The following HCN1 variants were observed in gnomAD, a reference collection of about 807,000 sequenced individuals.
The protein encoded by HCN1 is hyperpolarization activated cyclic nucleotide gated potassium channel 1.
In HCN1, 13 loss-of-function variants were observed where a neutral mutation model predicts 78.9. The ratio of observed to expected loss-of-function variants is 0.16; its 90% CI spans 0.11 to 0.26. The LOEUF (loss-of-function observed/expected upper bound fraction) is 0.26, where lower values mean the gene tolerates loss of function less well. HCN1 is among the 10% of genes least tolerant of loss of function. The probability of loss-of-function intolerance (pLI) is 1.00; values close to 1 mark genes in which losing one functional copy is unlikely to be tolerated. For missense variants in HCN1, 810 were observed against 1,154.3 expected (o/e 0.70, Z 4.32); for synonymous variants, 552 against 455.5 (o/e 1.21, Z -2.70).
At chr5:45,641,156 T>A (rs573197004) in intron 2 of HCN1, among the ~76,000 whole-genome samples, 1 of 152,306 alleles carries the variant, frequency 6.6e-6, no homozygotes, top group South Asian at 2.1e-4. Context: ...TAGAATCCTA[T>A]GTGTTTTTAA....
chr5:45,656,010 C>T (rs957437154), intron 1 of HCN1, among the ~76,000 whole-genome samples: 55 of 152,186 alleles, frequency 3.6e-4, no homozygotes, highest in African/African-American at 1.3e-3. Flanking sequence ...GAAATGCATA[C>T]ACAAACTATA....
intron 2 of HCN1, among the ~76,000 whole-genome samples, chr5:45,566,553 G>A (rs1268604237): frequency 1.3e-5 from 2 of 152,068 alleles, no homozygotes; most frequent in African/African-American, 4.8e-5. Context: ...AGATTATCAA[G>A]AGAGTTTATA....
chr5:45,586,858 T>G (rs1404035742), intron 2 of HCN1, among the ~76,000 whole-genome samples: 2 of 152,228 alleles, frequency 1.3e-5, no homozygotes, highest in Non-Finnish European at 2.9e-5. Flanking sequence ...TGTAATAGAC[T>G]ATCTTAATAA....
intron 2 of HCN1, among the ~76,000 whole-genome samples, chr5:45,625,150 A>G (rs1198408010): frequency 6.6e-6 from 1 of 152,058 alleles, no homozygotes; most frequent in Non-Finnish European, 1.5e-5. Flanking sequence ...TAAAAATACA[A>G]AAATTAGCCG....
At chr5:45,621,493 C>T (rs1040460127) in intron 2 of HCN1, among the ~76,000 whole-genome samples, 17 of 152,040 alleles carry the variant, frequency 1.1e-4, no homozygotes, top group Non-Finnish European at 2.4e-4. Context: ...TTCTGTAGTA[C>T]TCTATCAGGA....
Position 45,456,404 on chromosome 5 carries a change from A to C in HCN1, c.1011+5442T>G, listed in dbSNP as rs192115437. ...CAATATTTTAGTTAGCAACACATGC[A>C]GAGTTGGTATAGGAGTTGTCTAGGA... On this transcript the variant is annotated intron_variant, in intron 3 of 7. Coordinates refer to ENST00000303230, the MANE Select transcript of HCN1 (RefSeq NM_021072.4). 1.3e-3 allele frequency among the ~76,000 whole-genome samples: 201 copies of C among 152,146 alleles called. 1 individual carries two copies. The highest frequency in any genetic ancestry group is 1.7e-3 in the Non-Finnish European group (118 of 67,930).
chr5:45,524,120 C>T (rs1296414878), intron 2 of HCN1, among the ~76,000 whole-genome samples: 2 of 152,286 alleles, frequency 1.3e-5, no homozygotes, highest in African/African-American at 2.4e-5. Context: ...AATAGGGAAT[C>T]CTTTCGCCAT....
chr5:45,289,084 C>A (rs375235924), intron 6 of HCN1, among the ~76,000 whole-genome samples: 2 of 151,972 alleles, frequency 1.3e-5, no homozygotes, highest in Non-Finnish European at 2.9e-5. Context: ...TACAATATAA[C>A]CTTAAGAACA....
At chr5:45,274,143 T>A (rs1745009025) in intron 6 of HCN1, among the ~76,000 whole-genome samples, 1 of 152,154 alleles carries the variant, frequency 6.6e-6, no homozygotes, top group Non-Finnish European at 1.5e-5. Context: ...ATAGATTACA[T>A]ATTATAATAT....
chr5:45,437,997 C>T (rs1212903978), intron 3 of HCN1, among the ~76,000 whole-genome samples: 3 of 152,020 alleles, frequency 2.0e-5, no homozygotes, highest in African/African-American at 4.8e-5. Context: ...AACAGCAGGC[C>T]CCTCCCAGAA....
intron 2 of HCN1, among the ~76,000 whole-genome samples, chr5:45,478,522 A>G (rs533418873): frequency 6.6e-6 from 1 of 152,196 alleles, no homozygotes; most frequent in Non-Finnish European, 1.5e-5. Flanking sequence ...CAGCACAGGT[A>G]GGCCTCATTT....
chr5:45,570,023 T>C (rs1743792554), intron 2 of HCN1, among the ~76,000 whole-genome samples: 1 of 152,152 alleles, frequency 6.6e-6, no homozygotes, highest in African/African-American at 2.4e-5. Flanking sequence ...GTAAAAAATT[T>C]GTAGGTATTT....
chr5:45,343,825 T>C (rs1195502204), intron 5 of HCN1, among the ~76,000 whole-genome samples: 1 of 151,608 alleles, frequency 6.6e-6, no homozygotes, highest in Non-Finnish European at 1.5e-5. Flanking sequence ...GGCTCAGAAA[T>C]GTTGCAGTGT....
At chr5:45,305,875 A>G (rs1031444092) in intron 5 of HCN1, among the ~76,000 whole-genome samples, 1 of 150,604 alleles carries the variant, frequency 6.6e-6, no homozygotes, top group Non-Finnish European at 1.5e-5. Context: ...GGGAGGGAGG[A>G]AGGAAGGAAG....
At chr5:45,308,520 T>G (rs1007450092) in intron 5 of HCN1, among the ~76,000 whole-genome samples, 1 of 152,074 alleles carries the variant, frequency 6.6e-6, no homozygotes, top group Non-Finnish European at 1.5e-5. Flanking sequence ...TTGAAAACAA[T>G]TATATCATAG....
chr5:45,483,514 G>A (rs777703620), intron 2 of HCN1, among the ~76,000 whole-genome samples: 1 of 152,080 alleles, frequency 6.6e-6, no homozygotes, highest in Non-Finnish European at 1.5e-5. Context: ...GTAGATTCTG[G>A]ATATTAAGGC....
chr5:45,306,323 A>G (rs1745733575), intron 5 of HCN1, among the ~76,000 whole-genome samples: 1 of 152,082 alleles, frequency 6.6e-6, no homozygotes, highest in Non-Finnish European at 1.5e-5. Flanking sequence ...TTGGAATTAT[A>G]TTTGATAAGC....
intron 2 of HCN1, among the ~76,000 whole-genome samples, chr5:45,557,192 C>CAAAAA (rs1554032837): frequency 6.6e-6 from 1 of 151,552 alleles, no homozygotes; most frequent in Non-Finnish European, 1.5e-5. Flanking sequence ...AATTTGAAAA[C>CAAAAA]TTTTTTTTTA....
intron 3 of HCN1, among the ~76,000 whole-genome samples, chr5:45,406,421 C>A (rs998012826): frequency 8.5e-5 from 13 of 152,164 alleles, no homozygotes; most frequent in African/African-American, 3.1e-4. Flanking sequence ...AACATCATCT[C>A]ATTGCTCTTC....
Sources: gnomAD v4.1 joint callset for allele counts (sites outside exome capture counted in the v4.1 genomes callset) on GRCh38, gnomAD v4.1.1 for gene constraint, MANE v1.5 for transcripts, NCBI Gene and HGNC (gene_info 2026-07-23, HGNC 2026-07-21) for gene names.